Variants in FCGR3A observed in about 807,000 individuals in gnomAD.
FCGR3A encodes the protein Fc gamma receptor IIIa.
A neutral mutation model predicts 24.1 loss-of-function variants in FCGR3A; 13 were observed. The observed-to-expected ratio is 0.54, with a 90% confidence interval of 0.35 to 0.86. The LOEUF is 0.86. FCGR3A is among the 40% of genes least tolerant of loss of function. The pLI is 0.01. For missense variants in FCGR3A, 235 were observed against 298.0 expected (o/e 0.79, Z 1.56); for synonymous variants, 93 against 112.2 (o/e 0.83, Z 1.08).
intron 4 of FCGR3A, 67 bp downstream of exon 4, chr1:161,544,634 T>C: frequency 1.3e-6 from 2 of 1,572,628 alleles, no homozygotes; most frequent in Non-Finnish European, 1.7e-6. Flanking sequence ...CCAACTCAAC[T>C]TCCCAGTGTG....
intron 3 of FCGR3A, among the ~76,000 whole-genome samples, chr1:161,547,828 G>C (rs1186986102): frequency 1.3e-5 from 2 of 152,302 alleles, no homozygotes; most frequent in African/African-American, 4.8e-5. Flanking sequence ...CCAGCACTTT[G>C]GGAAGCCAAG....
rs1677167998 is a variant in FCGR3A at position 161,542,645 on chromosome 1, T to C, written c.*367A>G. ...CCATTTATTTAGGAATAATTGTTTTTTTTTCCCCTCTAAACTGGGTAATTT... is the reference window on the plus strand; with the variant it reads ...CCATTTATTTAGGAATAATTGTTTTCTTTTCCCCTCTAAACTGGGTAATTT... On this transcript the variant is annotated 3_prime_UTR_variant, in exon 5 of 5. Coordinates refer to ENST00000443193, the MANE Select transcript of FCGR3A (RefSeq NM_000569.8). 1 of 169,036 alleles carries C rather than the reference T, an allele frequency of 5.9e-6. No homozygotes were observed. The highest frequency in any genetic ancestry group is 2.4e-5 in the African/African-American group (1 of 41,906). 10.5% of individuals were successfully genotyped at this position (169,036 alleles called of 1,614,324 possible).
chr1:161,548,609 G>A lies in FCGR3A; in HGVS notation c.131C>T (p.Thr44Ile), dbSNP rs776818304. Residue 44 changes from threonine (T) to isoleucine (I), a missense_variant, in exon 3 of 5, where the codon ACT becomes ATT. Coordinates refer to ENST00000443193, the MANE Select transcript of FCGR3A (RefSeq NM_000569.8). ...GGAGTAGGCTCCCTGGCACTTCAGAGTCACACTGTCCTTCTCGAGCACCCT... is the reference window on the plus strand; with the variant it reads ...GGAGTAGGCTCCCTGGCACTTCAGAATCACACTGTCCTTCTCGAGCACCCT... The part of the protein sequence containing the change: ...WYRVLEKDSV[T>I]LKCQGAYSPE... 1.9e-6 allele frequency: 3 copies of A among 1,613,948 alleles called. No individual in the cohort carries two copies. The highest frequency in any genetic ancestry group is 1.7e-4 in the Middle Eastern group (1 of 6,056).
chr1:161,548,996 A>G lies in FCGR3A; in HGVS notation c.61+15T>C, dbSNP rs1341147746. 8 of 1,602,958 alleles carry G rather than the reference A, an allele frequency of 5.0e-6. No individual in the cohort carries two copies. The South Asian group carries it at 5.5e-5, about 11-fold the overall frequency. The stretch of plus-strand genomic sequence containing the variant: ...TGCCCCACTGGGTCAATCCAAGACC[A>G]TGAAGCTGACTCACCAGTCCGCATG... On this transcript the variant is annotated intron_variant, in intron 2 of 4. Coordinates refer to ENST00000443193, the MANE Select transcript of FCGR3A (RefSeq NM_000569.8).
chr1:161,545,743 AAG>A (rs1677360700), intron 3 of FCGR3A: 1 of 152,052 alleles, frequency 6.6e-6, no homozygotes, highest in South Asian at 2.1e-4. Flanking sequence ...AGACTTCACA[AAG>A]AGAGAACATG....
At chr1:161,550,605 GC>G (rs1677719572), upstream of FCGR3A, 1 of 152,498 alleles carries the variant, frequency 6.6e-6, no homozygotes, top group Admixed American at 6.5e-5. Flanking sequence ...TGGTCTGTCA[GC>G]CTAGGAGCCG....
At chr1:161,544,392 C>T (rs1336416943) in intron 4 of FCGR3A, among the ~76,000 whole-genome samples, 3 of 151,726 alleles carry the variant, frequency 2.0e-5, no homozygotes, top group African/African-American at 4.8e-5. Flanking sequence ...CATATGACAC[C>T]GTGGGTGTGA....
chr1:161,545,618 C>T (rs377148870), intron 3 of FCGR3A: 3 of 151,910 alleles, frequency 2.0e-5, no homozygotes, highest in Non-Finnish European at 2.9e-5. Context: ...ATTCTTGTAT[C>T]GCCAGAGCTT....
Position 161,548,656 on chromosome 1 carries a change from C to G in FCGR3A, c.84G>C (p.Val28=). ...CCCTGTACCATTGAGGCTCCAGGAA[C>G]ACCACAGCCTTTGGGAGATCTTCTG... ...MRTEDLPKAV[V]FLEPQWYRVL... is the part of the protein sequence containing the mutation. Residue 28 remains valine (V), a synonymous_variant, in exon 3 of 5, where the codon GTG becomes GTC. Transcript: ENST00000443193. 6.2e-7 allele frequency: 1 copy of G among 1,613,882 alleles called. No individual in the cohort carries two copies. Among genetic ancestry groups the G allele is most frequent in the African/African-American group, 1.3e-5 (1 of 75,028 alleles).
At position 161,541,981 on chromosome 1, in the gene FCGR3A, G is replaced by A. The variant is rs1005200248; in HGVS notation, c.*1031C>T. The A allele has an allele frequency of 6.6e-6, 1 of 152,226 alleles. No individual in the cohort carries two copies. Among genetic ancestry groups the A allele is most frequent in the Non-Finnish European group, 1.5e-5 (1 of 68,010 alleles). The allele number at this position is 152,226 out of a possible 1,614,324, so 9.4% of individuals were successfully genotyped here. On this transcript the variant is annotated 3_prime_UTR_variant, in exon 5 of 5. Coordinates refer to ENST00000443193, the MANE Select transcript of FCGR3A (RefSeq NM_000569.8). ...TTTGAAAGTTTCATAACTTAACTCA[G>A]CGAAGCTCAGTAGTACATTTAGTAT...
At chr1:161,549,983 T>C, upstream of FCGR3A, 2 of 904,472 alleles carry the variant, frequency 2.2e-6, no homozygotes, top group Non-Finnish European at 3.4e-6. Flanking sequence ...CCCCCTTTAC[T>C]CCCTCAAAGG....
intron 4 of FCGR3A, 35 bp from the exon 5 acceptor site, chr1:161,543,234 C>T (rs1677216353): frequency 6.2e-7 from 1 of 1,601,214 alleles, no homozygotes; most frequent in African/African-American, 1.3e-5. Flanking sequence ...AAAAAAATGA[C>T]AGTCACTAAG....
intron 3 of FCGR3A, among the ~76,000 whole-genome samples, chr1:161,547,186 G>A (rs969062233): frequency 1.3e-5 from 2 of 152,010 alleles, no homozygotes; most frequent in African/African-American, 4.8e-5. Context: ...GGTTGTAGGT[G>A]GACATCTCTT....
intron 3 of FCGR3A, among the ~76,000 whole-genome samples, chr1:161,546,166 A>G (rs1253630964): frequency 6.6e-6 from 1 of 152,082 alleles, no homozygotes; most frequent in Non-Finnish European, 1.5e-5. Context: ...TCTCTACCAC[A>G]AAGATTTGCC....
chr1:161,549,914 G>T, upstream of FCGR3A: 1 of 1,564,070 alleles, frequency 6.4e-7, no homozygotes, highest in Non-Finnish European at 8.7e-7. Context: ...TGGCAAGGGA[G>T]CCCCACCATA....
rs553139096 is a variant in FCGR3A at position 161,549,182 on chromosome 1, C to A, written c.41-151G>T. ...ATGTTTCTGGTGGAAACCTTGCTACCTGCTCTCTGGTCTCCACTGTTCATG... is the reference window on the plus strand; with the variant it reads ...ATGTTTCTGGTGGAAACCTTGCTACATGCTCTCTGGTCTCCACTGTTCATG... On this transcript the variant is annotated intron_variant, in intron 1 of 4. Transcript: ENST00000443193. 225 of 697,026 alleles carry A rather than the reference C, an allele frequency of 3.2e-4. 1 individual carries two copies. The highest frequency in any genetic ancestry group is 1.7e-3 in the Middle Eastern group (5 of 2,888). 43.2% of individuals were successfully genotyped at this position (697,026 alleles called of 1,614,324 possible).
upstream of FCGR3A, chr1:161,549,898 GA>G: frequency 6.3e-7 from 1 of 1,593,864 alleles, no homozygotes; most frequent in Non-Finnish European, 8.6e-7. Context: ...TTCTCAGTCT[GA>G]AGTCTGGCAA....
upstream of FCGR3A, chr1:161,549,892 C>G (rs183270401): frequency 2.3e-5 from 36 of 1,599,420 alleles, 1 homozygote; most frequent in Middle Eastern, 2.7e-3. Flanking sequence ...TCTGACTTCT[C>G]AGTCTGAAGT....
Position 161,544,704 on chromosome 1 carries a change from G to T in FCGR3A, c.574C>A (p.Gln192Lys). ...SSETVNITIT[Q>K]GLAVSTISSF... is the part of the protein sequence containing the mutation. ...TCCAGGGTGGCACATGTCTCACCTT[G>T]AGTGATGGTGATGTTCACAGTCTCT... Residue 192 changes from glutamine (Q) to lysine (K), a missense_variant, in exon 4 of 5, where the codon CAA (glutamine) becomes AAA (lysine). Physicochemically the swap from Gln to Lys is moderately conservative, Grantham distance 53. Coordinates refer to ENST00000443193, the MANE Select transcript of FCGR3A (RefSeq NM_000569.8). 6.2e-7 allele frequency: 1 copy of T among 1,611,630 alleles called. No homozygotes were observed. The highest frequency in any genetic ancestry group is 8.5e-7 in the Non-Finnish European group (1 of 1,178,382).
Sources: gnomAD v4.1 joint callset for allele counts (sites outside exome capture counted in the v4.1 genomes callset) on GRCh38, gnomAD v4.1.1 for gene constraint, MANE v1.5 for transcripts, NCBI Gene and HGNC (gene_info 2026-07-23, HGNC 2026-07-21) for gene names.